Variants in TEAD1 observed in about 807,000 individuals in gnomAD.
The protein encoded by TEAD1 is transcriptional enhancer factor TEF-1.
A neutral mutation model predicts 54.9 loss-of-function variants in TEAD1; 9 were observed. The observed-to-expected ratio is 0.16, with a 90% CI of 0.10 to 0.29. The LOEUF is 0.29. Among genes scored for constraint, TEAD1 ranks in the 10% least tolerant of loss-of-function variants. TEAD1 has a pLI of 1.00. For missense variants in TEAD1, 387 were observed against 535.9 expected, an observed-to-expected ratio of 0.72 and a Z score of 2.74; for synonymous variants, 200 against 187.8, an observed-to-expected ratio of 1.07 and a Z score of -0.53.
Position 12,938,527 on chromosome 11 carries a change from A to G in TEAD1, c.*1305A>G, listed in dbSNP as rs964257580. ...AGGTGCTGATATGTACGTATATCTCAATGTGTCTGTAGACTTAGATACATC... is the reference window on the plus strand; with the variant it reads ...AGGTGCTGATATGTACGTATATCTCGATGTGTCTGTAGACTTAGATACATC... On this transcript the variant is annotated 3_prime_UTR_variant, in exon 13 of 13. Transcript: ENST00000527636. 5 of 152,248 alleles carry G rather than the reference A, an allele frequency of 3.3e-5. No individual in the cohort carries two copies. Among genetic ancestry groups the G allele is most frequent in the African/African-American group, 4.8e-5 (2 of 41,458 alleles). 9.4% of individuals were successfully genotyped at this position (152,248 alleles called of 1,614,324 possible).
intron 5 of TEAD1, chr11:12,865,162 G>A: frequency 1.9e-6 from 1 of 524,020 alleles, no homozygotes; most frequent in Non-Finnish European, 3.5e-6. Context: ...AAATGCAGCA[G>A]AGAGCTGGTC....
At chr11:12,678,682 A>G (rs963180726) in intron 2 of TEAD1, among the ~76,000 whole-genome samples, 11 of 152,088 alleles carry the variant, frequency 7.2e-5, no homozygotes, top group Admixed American at 2.6e-4. Context: ...TCTTCTTGGG[A>G]TAGTTTGTGG....
intron 2 of TEAD1, among the ~76,000 whole-genome samples, chr11:12,707,373 A>G (rs536364406): frequency 1.7e-4 from 26 of 152,282 alleles, no homozygotes; most frequent in African/African-American, 5.5e-4. Context: ...TGATAGAGCT[A>G]TCTGCAAGCC....
intron 5 of TEAD1, among the ~76,000 whole-genome samples, chr11:12,870,773 C>T (rs1252897209): frequency 6.6e-6 from 1 of 152,116 alleles, no homozygotes; most frequent in Non-Finnish European, 1.5e-5. Context: ...GCAGTTATAG[C>T]TACTTGGGAG....
intron 2 of TEAD1, among the ~76,000 whole-genome samples, chr11:12,740,121 A>G (rs1473640122): frequency 2.0e-5 from 3 of 152,182 alleles, no homozygotes; most frequent in African/African-American, 7.2e-5. Flanking sequence ...TGTGGTGGTT[A>G]TCAATTAAAC....
intron 3 of TEAD1, among the ~76,000 whole-genome samples, chr11:12,784,639 G>GT (rs1590148606): frequency 6.6e-6 from 1 of 152,196 alleles, no homozygotes; most frequent in Non-Finnish European, 1.5e-5. Flanking sequence ...CTGGTGGTGT[G>GT]TTGATGGAAG....
chr11:12,680,567 A>T (rs1943199039), intron 2 of TEAD1, among the ~76,000 whole-genome samples: 1 of 151,932 alleles, frequency 6.6e-6, no homozygotes. Context: ...GCCCTCCCCC[A>T]CTGGGCAGCT....
At chr11:12,891,097 A>T (rs1948189069) in intron 9 of TEAD1, among the ~76,000 whole-genome samples, 1 of 152,172 alleles carries the variant, frequency 6.6e-6, no homozygotes, top group Non-Finnish European at 1.5e-5. Context: ...TAAACTTTTC[A>T]TAAAGGTAGT....
chr11:12,861,125 C>T (rs1447871604), intron 3 of TEAD1, among the ~76,000 whole-genome samples: 2 of 152,196 alleles, frequency 1.3e-5, no homozygotes, highest in African/African-American at 2.4e-5. Flanking sequence ...AATTTCAGTT[C>T]CTGGTATTAG....
chr11:12,709,958 C>T (rs1218714824), intron 2 of TEAD1, among the ~76,000 whole-genome samples: 3 of 151,882 alleles, frequency 2.0e-5, no homozygotes, highest in Non-Finnish European at 4.4e-5. Flanking sequence ...AGTCCTACAA[C>T]ATCTTTTTCT....
chr11:12,811,644 G>C (rs1488274308), intron 3 of TEAD1, among the ~76,000 whole-genome samples: 2 of 152,072 alleles, frequency 1.3e-5, no homozygotes, highest in African/African-American at 4.8e-5. Context: ...GTGGTCTCTG[G>C]GGCAAGGCAG....
intron 2 of TEAD1, among the ~76,000 whole-genome samples, chr11:12,698,238 C>G (rs758015937): frequency 3.9e-5 from 6 of 152,016 alleles, no homozygotes; most frequent in Non-Finnish European, 8.8e-5. Flanking sequence ...GGAGCCTTGC[C>G]GTGAAGCCAT....
At chr11:12,740,661 T>TA (rs1209062934) in intron 2 of TEAD1, among the ~76,000 whole-genome samples, 1 of 152,124 alleles carries the variant, frequency 6.6e-6, no homozygotes, top group Non-Finnish European at 1.5e-5. Flanking sequence ...AAGCCCCTTA[T>TA]AAAACCATCA....
Position 12,693,176 on chromosome 11 carries a change from T to C in TEAD1, c.-55+17615T>C, listed in dbSNP as rs954460226. ...GGTGCGAGCCCCTGGTGCTTAGTAC[T>C]TTTAAAGAACTTCGCTTTTAAGTCC... On this transcript the variant is annotated intron_variant, in intron 2 of 12. Coordinates refer to ENST00000527636, the MANE Select transcript of TEAD1 (RefSeq NM_021961.6). Among the ~76,000 whole-genome samples the C allele has an allele frequency of 3.3e-5, 5 of 152,364 alleles. No homozygotes were observed. The South Asian group carries it at 6.2e-4, about 19-fold the overall frequency.
intron 2 of TEAD1, among the ~76,000 whole-genome samples, chr11:12,705,811 G>A (rs61426524): frequency 3.3e-5 from 5 of 152,016 alleles, no homozygotes; most frequent in Non-Finnish European, 5.9e-5. Context: ...ATAATTCTTA[G>A]TTCACATCAC....
chr11:12,685,779 A>G (rs544630032), intron 2 of TEAD1, among the ~76,000 whole-genome samples: 1 of 152,282 alleles, frequency 6.6e-6, no homozygotes, highest in South Asian at 2.1e-4. Flanking sequence ...CTAAGTCATA[A>G]AGGATAAAGT....
chr11:12,839,148 C>A (rs750899276), intron 3 of TEAD1, among the ~76,000 whole-genome samples: 1 of 151,562 alleles, frequency 6.6e-6, no homozygotes, highest in South Asian at 2.1e-4. Flanking sequence ...TGGTGGCTTA[C>A]GCCTATAATC....
intron 2 of TEAD1, among the ~76,000 whole-genome samples, chr11:12,676,505 G>C (rs1198942870): frequency 6.6e-6 from 1 of 152,208 alleles, no homozygotes; most frequent in East Asian, 1.9e-4. Context: ...TGTTGGGTTT[G>C]TGCCCCGCTT....
intron 2 of TEAD1, among the ~76,000 whole-genome samples, chr11:12,707,238 C>T (rs1329917726): frequency 1.4e-5 from 2 of 144,454 alleles, no homozygotes; most frequent in Non-Finnish European, 3.0e-5. Flanking sequence ...TTGATGTCTT[C>T]TTTTAAAAAC....
Sources: allele counts gnomAD v4.1 joint callset (sites outside exome capture counted in the v4.1 genomes callset), GRCh38; gene constraint gnomAD v4.1.1; transcripts MANE v1.5; gene names NCBI Gene and HGNC (gene_info 2026-07-23, HGNC 2026-07-21).